The following PATJ variants were observed in gnomAD, a reference collection of about 807,000 sequenced individuals.
PATJ encodes PATJ crumbs cell polarity complex component, also known as inaD-like protein.
A neutral mutation model predicts 224.9 loss-of-function variants in PATJ; 190 were observed. That is an observed-to-expected ratio of 0.84 (90% CI 0.75 to 0.95). The LOEUF is 0.95. Ranked by LOEUF, PATJ falls within the 40% of genes least tolerant of loss-of-function variation. The probability of loss-of-function intolerance (pLI) is 0.00; values close to 1 mark genes in which losing one functional copy is unlikely to be tolerated. For synonymous variants in PATJ, 769 were observed against 820.3 expected, an observed-to-expected ratio of 0.94 and a Z score of 1.07; for missense variants, 2,121 against 2,270.3, an observed-to-expected ratio of 0.93 and a Z score of 1.34.
chr1:61,970,506 G>T lies in PATJ; in HGVS notation c.3671-19662G>T, dbSNP rs1489769295. Among the ~76,000 whole-genome samples, 7 of 152,152 alleles carry T rather than the reference G, an allele frequency of 4.6e-5. No individual in the cohort carries two copies. The East Asian group carries it at 1.4e-3, about 29-fold the overall frequency. On this transcript the variant is annotated intron_variant, in intron 27 of 43. Transcript: ENST00000642238. ...TTATACAGAGCAGTTTTACTGCCAT[G>T]AAAATCCTTTGTGCTCTTCTATTCT...
intron 17 of PATJ, among the ~76,000 whole-genome samples, chr1:61,838,661 C>T (rs1024561412): frequency 1.3e-4 from 20 of 151,334 alleles, no homozygotes; most frequent in Non-Finnish European, 2.2e-4. Flanking sequence ...TGAGCCACTG[C>T]GCCCGGCCGA....
rs552677330 is a variant in PATJ at position 62,108,576 on chromosome 1, C to T, written c.4461+56C>T. ...GTAAATGTGGTTCCTTTGCTGGTCT[C>T]GATCCATAAAGTTGTCTTTCTACTC... On this transcript the variant is annotated intron_variant, in intron 34 of 43. Transcript: ENST00000642238. 15 of 1,060,520 alleles carry T rather than the reference C, an allele frequency of 1.4e-5. No homozygotes were observed. In the East Asian group the frequency reaches 1.5e-4, roughly 10 times the overall value. The allele number at this position is 1,060,520 out of a possible 1,614,324, so 65.7% of individuals were successfully genotyped here. A position where few individuals can be genotyped will look rare whatever the true frequency, so the allele number is the denominator to read the frequency against.
chr1:62,007,576 T>C (rs1646167542), intron 28 of PATJ, among the ~76,000 whole-genome samples: 1 of 152,206 alleles, frequency 6.6e-6, no homozygotes, highest in South Asian at 2.1e-4. Flanking sequence ...TAAGAAACCA[T>C]ATCAATGAAT....
intron 43 of PATJ, among the ~76,000 whole-genome samples, chr1:62,160,445 GACT>G (rs1234204393): frequency 6.6e-6 from 1 of 152,148 alleles, no homozygotes; most frequent in Non-Finnish European, 1.5e-5. Context: ...CCCATTTAAA[GACT>G]ACACTTATTT....
chr1:61,948,638 T>C (rs55971007), intron 27 of PATJ, among the ~76,000 whole-genome samples: 4 of 152,180 alleles, frequency 2.6e-5, no homozygotes, highest in Non-Finnish European at 5.9e-5. Context: ...AGTTCAGCCA[T>C]TGTGGAAGAC....
At chr1:62,069,908 C>A (rs915939844) in intron 31 of PATJ, among the ~76,000 whole-genome samples, 2 of 152,144 alleles carry the variant, frequency 1.3e-5, no homozygotes, top group African/African-American at 4.8e-5. Context: ...ATGAAGGTTT[C>A]CAAACACTAT....
At chr1:61,751,578 C>T (rs901080951) in intron 1 of PATJ, among the ~76,000 whole-genome samples, 14 of 152,042 alleles carry the variant, frequency 9.2e-5, no homozygotes, top group African/African-American at 2.9e-4. Flanking sequence ...GTAATCCCAG[C>T]ACTTTGGGAG....
chr1:62,095,584 T>C (rs918636242), intron 33 of PATJ, among the ~76,000 whole-genome samples: 9 of 152,360 alleles, frequency 5.9e-5, no homozygotes, highest in South Asian at 4.1e-4. Context: ...CCCTGCCTCA[T>C]TGTGGCAAGG....
In PATJ at chr1:62,128,864, T is replaced by A. The variant is rs187417242; in HGVS notation, c.5190T>A (p.Ile1730=). The A allele has an allele frequency of 3.6e-3, 5,813 of 1,612,648 alleles. 29 individuals are homozygous for A. The highest frequency in any genetic ancestry group is 3.9e-3 in the Non-Finnish European group (4,573 of 1,178,680). The part of the protein sequence containing the change: ...KLKVGDRIVS[I]NGQPLDGLSH... ...AGGTTGGAGATCGGATTGTCAGCAT[T>A]AACGGGCAACCTTTGGATGGGCTGT... The change falls in exon 41 of 44, where the codon ATT becomes ATA. Residue 1730 remains isoleucine, a synonymous_variant. Coordinates refer to ENST00000642238, the MANE Select transcript of PATJ (RefSeq NM_001350145.3).
At chr1:61,855,882 T>G in intron 17 of PATJ, 148 bp from the exon 18 acceptor site, 1 of 632,548 alleles carries the variant, frequency 1.6e-6, no homozygotes, top group East Asian at 2.7e-5. Flanking sequence ...TTTTAATTTA[T>G]TTTTACCTGT....
intron 21 of PATJ, among the ~76,000 whole-genome samples, chr1:61,879,765 A>G (rs1273599433): frequency 1.3e-5 from 2 of 152,108 alleles, no homozygotes; most frequent in South Asian, 2.1e-4. Context: ...CCTCCTACCT[A>G]GAATGGTATT....
chr1:61,880,811 T>C (rs888776987), intron 21 of PATJ, among the ~76,000 whole-genome samples: 1 of 152,244 alleles, frequency 6.6e-6, no homozygotes, highest in African/African-American at 2.4e-5. Flanking sequence ...AAAAACTGTT[T>C]TGGCCAGCAC....
At chr1:61,905,055 T>C (rs1671677398) in intron 24 of PATJ, among the ~76,000 whole-genome samples, 1 of 149,940 alleles carries the variant, frequency 6.7e-6, no homozygotes, top group African/African-American at 2.5e-5. Flanking sequence ...ACCCTCTATC[T>C]ACAAAGAAAC....
chr1:62,128,719 G>C, intron 40 of PATJ, 122 bp from the exon 41 acceptor site: 1 of 723,002 alleles, frequency 1.4e-6, no homozygotes, highest in Non-Finnish European at 2.5e-6. Flanking sequence ...ATGCACGGTA[G>C]TAACGCAGAA....
At chr1:61,982,725 T>C (rs1482503637) in intron 27 of PATJ, among the ~76,000 whole-genome samples, 2 of 152,038 alleles carry the variant, frequency 1.3e-5, no homozygotes, top group African/African-American at 4.8e-5. Context: ...TTTTTAACAC[T>C]TTTCATATTT....
At chr1:61,957,436 T>C (rs559671005) in intron 27 of PATJ, among the ~76,000 whole-genome samples, 169 of 152,350 alleles carry the variant, frequency 1.1e-3, no homozygotes, top group Admixed American at 2.0e-3. Flanking sequence ...GTTAGAATAA[T>C]GGGCAGATTA....
Position 61,998,003 on chromosome 1 carries a change from AT to A in PATJ, c.3867+7641del, listed in dbSNP as rs1284789006. On this transcript the variant is annotated intron_variant, in intron 28 of 43. Coordinates refer to ENST00000642238, the MANE Select transcript of PATJ (RefSeq NM_001350145.3). ...CAGCTTATATATGTATATATAATAT[AT>A]TATATATATTAATTATATATAATAT... is the stretch of plus-strand genomic sequence containing the variant. Among the ~76,000 whole-genome samples, 435 of 106,108 alleles carry A rather than the reference AT, an allele frequency of 4.1e-3. 16 individuals carry two copies. Among genetic ancestry groups the A allele is most frequent in the African/African-American group, 0.018 (401 of 21,896 alleles). 69.6% of individuals were successfully genotyped at this position (106,108 alleles called of 152,430 possible).
At chr1:62,125,249 A>C (rs75541481) in intron 39 of PATJ, among the ~76,000 whole-genome samples, 5,764 of 105,940 alleles carry the variant, frequency 0.054, 127 homozygotes, top group Non-Finnish European at 0.081. Context: ...AAAAAAAAAA[A>C]AAAACAAAAA....
intron 20 of PATJ, among the ~76,000 whole-genome samples, chr1:61,871,502 C>CATATATATGTGTATATATGT (rs1228177574): frequency 3.6e-5 from 1 of 27,680 alleles, no homozygotes; most frequent in Non-Finnish European, 9.2e-5. Flanking sequence ...TGTATATATA[C>CATATATATGTGTATATATGT]ATATATACGC....
Sources: allele counts gnomAD v4.1 joint callset (sites outside exome capture counted in the v4.1 genomes callset), GRCh38; gene constraint gnomAD v4.1.1; transcripts MANE v1.5; gene names NCBI Gene and HGNC (gene_info 2026-07-23, HGNC 2026-07-21).